The following CMC2 variants were observed in gnomAD, a reference collection of about 807,000 sequenced individuals.
The protein encoded by CMC2 is C-X9-C motif containing 2, also known as COX assembly mitochondrial protein 2 homolog.
CMC2 carries 5 observed loss-of-function variants against 7.5 expected under a neutral mutation model. That is an observed-to-expected ratio of 0.66 (90% CI 0.35 to 1.40). The LOEUF is 1.40. Ranked by LOEUF, CMC2 falls within the 40% of genes most tolerant of loss-of-function variation. The pLI is 0.04. For synonymous variants in CMC2, 37 were observed against 31.4 expected (o/e 1.18, Z -0.60); for missense variants, 115 against 92.3 (o/e 1.25, Z -1.01).
intron 2 of CMC2, among the ~76,000 whole-genome samples, chr16:80,986,401 G>A (rs1967538829): frequency 6.6e-6 from 1 of 151,704 alleles, no homozygotes; most frequent in Non-Finnish European, 1.5e-5. Flanking sequence ...GCTACAGTGA[G>A]CTGAGATTGT....
In CMC2 at chr16:80,973,986, C is replaced by G. The variant is rs1236341481; in HGVS notation, c.*2107G>C. 1.3e-5 allele frequency: 2 copies of G among 152,200 alleles called. No homozygotes were observed. The highest frequency in any genetic ancestry group is 1.3e-4 in the Admixed American group (2 of 15,276). 9.4% of individuals were successfully genotyped at this position (152,200 alleles called of 1,614,324 possible). A position where few individuals can be genotyped will look rare whatever the true frequency, so the allele number is the denominator to read the frequency against. On this transcript the variant is annotated 3_prime_UTR_variant, in exon 4 of 4. Transcript: ENST00000219400. The stretch of plus-strand genomic sequence containing the variant: ...TGGCCTACAGGGCCTTAGCTGGCAT[C>G]TGCATGCTGACATCTCCCAATTTTG...
At chr16:80,976,447 G>C (rs1169183819) in intron 3 of CMC2, among the ~76,000 whole-genome samples, 27 of 152,160 alleles carry the variant, frequency 1.8e-4, no homozygotes, top group Admixed American at 1.8e-3. Context: ...ATGCACAAAT[G>C]TTTGCTCAAT....
In CMC2 at chr16:80,971,687, C is replaced by T. The variant is rs908178220; in HGVS notation, c.*4406G>A. ...ACCACCAATAAAGAAATAAGTGGAA[C>T]GGGCTTGGGGTGACAAACACAGGAG... On this transcript the variant is annotated 3_prime_UTR_variant, in exon 4 of 4. Transcript: ENST00000219400. 5 of 149,738 alleles carry T rather than the reference C, an allele frequency of 3.3e-5. No individual in the cohort carries two copies. The highest frequency in any genetic ancestry group is 1.3e-4 in the Admixed American group (2 of 15,030). The allele number at this position is 149,738 out of a possible 1,614,324, so 9.3% of individuals were successfully genotyped here.
At chr16:80,992,705 C>CTTTTTTT (rs71390989) in intron 2 of CMC2, among the ~76,000 whole-genome samples, 11 of 92,506 alleles carry the variant, frequency 1.2e-4, no homozygotes, top group African/African-American at 2.9e-4. Context: ...ATTCCCCCTC[C>CTTTTTTT]TTTTTTTTTT....
At chr16:80,998,187 G>C (rs1192819858) in intron 1 of CMC2, 4 of 149,402 alleles carry the variant, frequency 2.7e-5, no homozygotes, top group Admixed American at 2.0e-4. Context: ...GTGATCCTCA[G>C]CCTCCCAAAG....
At chr16:80,992,312 G>GTAAA (rs1555516000) in intron 2 of CMC2, among the ~76,000 whole-genome samples, 3 of 152,200 alleles carry the variant, frequency 2.0e-5, no homozygotes, top group Non-Finnish European at 4.4e-5. Flanking sequence ...CAACACTGCA[G>GTAAA]TAAATAACTC....
chr16:80,996,078 TATAAAC>T (rs1057024675), intron 2 of CMC2, among the ~76,000 whole-genome samples: 5 of 151,640 alleles, frequency 3.3e-5, no homozygotes, highest in African/African-American at 9.7e-5. Context: ...AATATACAAA[TATAAAC>T]ATAAAACAAA....
rs1911909172 is a variant in CMC2, at chr16:80,971,488, CATCAT to C, written c.*4600_*4604del. The C allele has an allele frequency of 6.9e-6, 1 of 144,622 alleles. No homozygotes were observed. Among genetic ancestry groups the C allele is most frequent in the African/African-American group, 2.7e-5 (1 of 36,934 alleles). 9.0% of individuals were successfully genotyped at this position (144,622 alleles called of 1,614,324 possible). On this transcript the variant is annotated 3_prime_UTR_variant, in exon 4 of 4. Coordinates refer to ENST00000219400, the MANE Select transcript of CMC2 (RefSeq NM_020188.5). ...AAGGTACGCTACCAAAGGCTACACA[CATCAT>C]GACGCCTCCTAAGTAAAATGACTAA...
intron 1 of CMC2, chr16:80,997,978 C>T (rs547844437): frequency 6.6e-6 from 1 of 151,980 alleles, no homozygotes; most frequent in African/African-American, 2.4e-5. Context: ...ACAGATATAG[C>T]CATAAAACTA....
intron 2 of CMC2, among the ~76,000 whole-genome samples, chr16:80,995,632 G>C (rs186121002): frequency 1.3e-3 from 194 of 152,334 alleles, no homozygotes; most frequent in African/African-American, 4.5e-3. Flanking sequence ...ACTCTAGGTT[G>C]GGTGACAGAG....
chr16:80,996,799 G>T (rs1838268086), intron 2 of CMC2: 1 of 174,312 alleles, frequency 5.7e-6, no homozygotes, highest in Non-Finnish European at 1.3e-5. Context: ...AATATGGATG[G>T]GCTCCTTTTC....
At chr16:80,976,840 G>C (rs1477491754) in intron 3 of CMC2, among the ~76,000 whole-genome samples, 1 of 152,038 alleles carries the variant, frequency 6.6e-6, no homozygotes, top group African/African-American at 2.4e-5. Context: ...CTTTTGCGCT[G>C]AACATTGCTA....
At chr16:80,983,516 C>T (rs1967289292) in intron 2 of CMC2, 1 of 152,238 alleles carries the variant, frequency 6.6e-6, no homozygotes, top group Admixed American at 6.5e-5. Flanking sequence ...AATCACAGCA[C>T]AATCCATTCT....
At chr16:80,998,157 T>C (rs1968576377) in intron 1 of CMC2, 1 of 150,554 alleles carries the variant, frequency 6.6e-6, no homozygotes, top group Admixed American at 6.7e-5. Flanking sequence ...CCCAGGCTGG[T>C]TTCAAACTCC....
rs182021483 is a variant in CMC2, at chr16:81,003,296, G to A, written c.-36+3438C>T. ...AACAAACTGAAGAAACGCTAAATAC[G>A]TATTCCATATTCTTATTCTTAAAAT... On this transcript the variant is annotated intron_variant, in intron 1 of 3. Coordinates refer to ENST00000219400, the MANE Select transcript of CMC2 (RefSeq NM_020188.5). Among the ~76,000 whole-genome samples, 218 of 152,268 alleles carry A rather than the reference G, an allele frequency of 1.4e-3. 1 individual carries two copies. Among genetic ancestry groups the A allele is most frequent in the African/African-American group, 5.1e-3 (211 of 41,548 alleles).
chr16:80,997,048 A>C (rs1416955982), intron 2 of CMC2: 1 of 527,302 alleles, frequency 1.9e-6, no homozygotes, highest in Non-Finnish European at 3.5e-6. Flanking sequence ...AAAGCATTTT[A>C]TTGTAAGAAC....
intron 3 of CMC2, among the ~76,000 whole-genome samples, chr16:80,981,296 A>G (rs1320073821): frequency 6.6e-6 from 1 of 152,186 alleles, no homozygotes; most frequent in East Asian, 1.9e-4. Context: ...CCCAAGTCCA[A>G]GTTGTGCCCT....
Sources: gnomAD v4.1 joint callset for allele counts (sites outside exome capture counted in the v4.1 genomes callset) on GRCh38, gnomAD v4.1.1 for gene constraint, MANE v1.5 for transcripts, NCBI Gene and HGNC (gene_info 2026-07-23, HGNC 2026-07-21) for gene names.